MSH4: variants seen among roughly 807,000 people sequenced by gnomAD.
MSH4 encodes mutS homolog 4.
MSH4 carries 106 observed loss-of-function variants against 113.7 expected under a neutral mutation model. The observed-to-expected ratio is 0.93, with a 90% CI of 0.80 to 1.10. The LOEUF (loss-of-function observed/expected upper bound fraction) is 1.10, where lower values mean the gene tolerates loss of function less well. Among genes scored for constraint, MSH4 ranks in the 50% least tolerant of loss-of-function variants. The pLI is 0.00. For synonymous variants in MSH4, 368 were observed against 380.2 expected (o/e 0.97, Z 0.37); for missense variants, 1,061 against 1,093.7 (o/e 0.97, Z 0.42).
At chr1:75,896,394 C>CACACACACACAA (rs571761055) in intron 17 of MSH4, among the ~76,000 whole-genome samples, 2 of 147,178 alleles carry the variant, frequency 1.4e-5, no homozygotes, top group Non-Finnish European at 3.0e-5. Context: ...CACACACACA[C>CACACACACACAA]CCTATTGGTC....
intron 15 of MSH4, among the ~76,000 whole-genome samples, chr1:75,885,017 GTATATA>G (rs368190243): frequency 3.9e-4 from 53 of 135,458 alleles, no homozygotes; most frequent in African/African-American, 5.1e-4. Flanking sequence ...GTGTATGTGT[GTATATA>G]TATATATGTG....
intron 7 of MSH4, among the ~76,000 whole-genome samples, chr1:75,835,386 C>T (rs1650805997): frequency 6.6e-6 from 1 of 152,132 alleles, no homozygotes; most frequent in Admixed American, 6.6e-5. Context: ...TTAATAGCAA[C>T]ATCTTGTTGG....
Position 75,797,174 on chromosome 1 carries a change from GAGCAGC to G in MSH4, c.202_207del (p.Ser68_Ser69del), listed in dbSNP as rs760951616. 3.1e-6 allele frequency: 5 copies of G among 1,610,572 alleles called. No individual in the cohort carries two copies. The highest frequency in any genetic ancestry group is 2.2e-5 in the East Asian group (1 of 44,774). On this transcript the variant is annotated inframe_deletion, in exon 1 of 20. Transcript: ENST00000263187. ...GCACGTCAGGAGCTGCGGGCGACCGGAGCAGCAGCAGCAGCAGCCTTCCCTGCCCCG... is the reference window on the plus strand; with the variant it reads ...GCACGTCAGGAGCTGCGGGCGACCGGAGCAGCAGCAGCCTTCCCTGCCCCG...
Position 75,796,883 on chromosome 1 carries a change from CGCA to C in MSH4, c.-101_-99del. On this transcript the variant is annotated 5_prime_UTR_variant, in exon 1 of 20. Coordinates refer to ENST00000263187, the MANE Select transcript of MSH4 (RefSeq NM_002440.4). The stretch of plus-strand genomic sequence containing the variant: ...CGCAGTGCAGCTTAGTGCGTCGGCG[CGCA>C]GTTCTCCCGCCCGTTTCAGCGGCGC... 6.5e-7 allele frequency: 1 copy of C among 1,528,698 alleles called. No individual in the cohort carries two copies. Among genetic ancestry groups the C allele is most frequent in the South Asian group, 1.2e-5 (1 of 81,596 alleles). The allele number at this position is 1,528,698 out of a possible 1,614,324, so 94.7% of individuals were successfully genotyped here.
chr1:75,889,621 T>A (rs1652206164), intron 16 of MSH4, among the ~76,000 whole-genome samples: 1 of 152,144 alleles, frequency 6.6e-6, no homozygotes, highest in African/African-American at 2.4e-5. Flanking sequence ...TAAATGTTTT[T>A]ATAGGAAATA....
At chr1:75,824,904 G>GGTT (rs1650512761) in intron 7 of MSH4, among the ~76,000 whole-genome samples, 1 of 120,256 alleles carries the variant, frequency 8.3e-6, no homozygotes, top group African/African-American at 3.1e-5. Flanking sequence ...CTTCAGCTTT[G>GGTT]TTTTTTTTTT....
chr1:75,854,099 C>T (rs1268085472), intron 8 of MSH4, among the ~76,000 whole-genome samples: 1 of 148,342 alleles, frequency 6.7e-6, no homozygotes, highest in Non-Finnish European at 1.5e-5. Context: ...ATCATACGTT[C>T]ATACCAATAC....
intron 3 of MSH4, among the ~76,000 whole-genome samples, chr1:75,809,328 C>G (rs1650135893): frequency 6.6e-6 from 1 of 151,964 alleles, no homozygotes; most frequent in Non-Finnish European, 1.5e-5. Context: ...GTAGACTTCC[C>G]TTTCCTAATA....
intron 7 of MSH4, among the ~76,000 whole-genome samples, chr1:75,827,499 A>C (rs1022178448): frequency 3.9e-5 from 6 of 152,150 alleles, no homozygotes; most frequent in South Asian, 4.1e-4. Context: ...ATTAACCTTA[A>C]ATGTAAATGG....
chr1:75,860,286 T>C (rs1651426693), intron 8 of MSH4, among the ~76,000 whole-genome samples: 2 of 152,220 alleles, frequency 1.3e-5, no homozygotes, highest in Admixed American at 1.3e-4. Flanking sequence ...TTGTTATATC[T>C]GAATTTGATC....
chr1:75,844,563 G>C (rs1651035682), intron 7 of MSH4, among the ~76,000 whole-genome samples: 1 of 151,786 alleles, frequency 6.6e-6, no homozygotes, highest in African/African-American at 2.4e-5. Context: ...CTAAGCTCAA[G>C]TGATCTCCTG....
At chr1:75,847,738 A>G (rs916585308) in intron 7 of MSH4, among the ~76,000 whole-genome samples, 4 of 152,212 alleles carry the variant, frequency 2.6e-5, no homozygotes, top group African/African-American at 9.6e-5. Context: ...TCACTTTCTA[A>G]CAACCTGTTC....
At chr1:75,870,392 T>C (rs1237362012) in intron 9 of MSH4, among the ~76,000 whole-genome samples, 1 of 152,160 alleles carries the variant, frequency 6.6e-6, no homozygotes, top group Non-Finnish European at 1.5e-5. Context: ...GAAGGAATGA[T>C]TGGTTTTGAA....
rs1343830331 is a variant in MSH4 at position 75,867,393 on chromosome 1, G to A, written c.1231-121G>A. 3.4e-5 allele frequency: 21 copies of A among 626,208 alleles called. 1 individual carries two copies. The highest frequency in any genetic ancestry group is 1.9e-4 in the East Asian group (6 of 32,268). 38.8% of individuals were successfully genotyped at this position (626,208 alleles called of 1,614,324 possible). A position where few individuals can be genotyped will look rare whatever the true frequency, so the allele number is the denominator to read the frequency against. ...GTATCATTCTTTAGGCTTGCATTGC[G>A]GCTAGGCTGATATATAAAAATATAT... On this transcript the variant is annotated intron_variant, in intron 8 of 19. Transcript: ENST00000263187.
At chr1:75,878,687 G>GGCAA (rs1651866169) in intron 11 of MSH4, among the ~76,000 whole-genome samples, 3 of 152,050 alleles carry the variant, frequency 2.0e-5, no homozygotes, top group African/African-American at 7.2e-5. Flanking sequence ...CAGGCATGGT[G>GGCAA]ATGTATGCCT....
chr1:75,886,573 AT>A (rs202036937), intron 15 of MSH4, among the ~76,000 whole-genome samples: 30,501 of 115,388 alleles, frequency 0.26, 5,417 homozygotes, highest in Middle Eastern at 0.38. Flanking sequence ...TATGCAAGTT[AT>A]TATGTATAAT....
At chr1:75,897,776 T>C in intron 17 of MSH4, 131 bp from the exon 18 acceptor site, 1 of 461,462 alleles carries the variant, frequency 2.2e-6, no homozygotes, top group Non-Finnish European at 3.7e-6. Flanking sequence ...CTCCAAATTA[T>C]TAGTTTTATT....
At chr1:75,801,974 G>T (rs189942899) in intron 1 of MSH4, among the ~76,000 whole-genome samples, 1 of 152,024 alleles carries the variant, frequency 6.6e-6, no homozygotes, top group African/African-American at 2.4e-5. Context: ...TTTGAGACCA[G>T]CCTGGGCAAC....
At chr1:75,798,075 A>AATGGTCATTTTTCAGTTCATCTC (rs1649857767) in intron 1 of MSH4, among the ~76,000 whole-genome samples, 1 of 152,192 alleles carries the variant, frequency 6.6e-6, no homozygotes, top group Non-Finnish European at 1.5e-5. Context: ...TACCAAATCC[A>AATGGTCATTTTTCAGTTCATCTC]ATGGTCATTT....
Sources: gnomAD v4.1 joint callset for allele counts (sites outside exome capture counted in the v4.1 genomes callset) on GRCh38, gnomAD v4.1.1 for gene constraint, MANE v1.5 for transcripts, NCBI Gene and HGNC (gene_info 2026-07-23, HGNC 2026-07-21) for gene names.